The following RASSF5 variants were observed in gnomAD, a reference collection of about 807,000 sequenced individuals.
The protein encoded by RASSF5 is ras association domain-containing protein 5.
RASSF5 carries 25 observed loss-of-function variants against 40.5 expected under a neutral mutation model. That is an observed-to-expected ratio of 0.62 (90% CI 0.45 to 0.86). RASSF5 has a LOEUF of 0.86. Among genes scored for constraint, RASSF5 ranks in the 40% least tolerant of loss-of-function variants. The pLI is 0.00. For synonymous variants in RASSF5, 246 were observed against 252.4 expected (o/e 0.97, Z 0.24); for missense variants, 521 against 572.8 (o/e 0.91, Z 0.92).
chr1:206,538,533 AG>A (rs1667473348), intron 2 of RASSF5, among the ~76,000 whole-genome samples: 2 of 152,206 alleles, frequency 1.3e-5, no homozygotes. Context: ...ATTGTGGCTT[AG>A]GGCTCTGAGC....
In RASSF5 at chr1:206,554,159, TACA is replaced by T. The variant is rs570464405; in HGVS notation, c.579+15867_579+15869del. Among the ~76,000 whole-genome samples the T allele has an allele frequency of 1.8e-3, 270 of 152,346 alleles. 7 individuals are homozygous for T. Among genetic ancestry groups the T allele is most frequent in the Admixed American group, 0.016 (239 of 15,302 alleles). The stretch of plus-strand genomic sequence containing the variant: ...GGTTTTCAGCCTCTCTATATGCCAC[TACA>T]TCTGATCATAAGGTCATAAGGCCCT... On this transcript the variant is annotated intron_variant, in intron 2 of 5. Coordinates refer to ENST00000579436, the MANE Select transcript of RASSF5 (RefSeq NM_182663.4).
intron 2 of RASSF5, among the ~76,000 whole-genome samples, chr1:206,550,052 G>A (rs191695904): frequency 6.6e-6 from 1 of 152,254 alleles, no homozygotes; most frequent in Admixed American, 6.5e-5. Flanking sequence ...GACTCGAGCA[G>A]CATCTCCTCA....
At chr1:206,563,957 G>T (rs565629046) in intron 2 of RASSF5, among the ~76,000 whole-genome samples, 2 of 152,260 alleles carry the variant, frequency 1.3e-5, no homozygotes, top group South Asian at 4.1e-4. Context: ...GATCTTGATG[G>T]CACATGATGT....
intron 2 of RASSF5, among the ~76,000 whole-genome samples, chr1:206,538,989 G>A (rs73079054): frequency 0.048 from 7,267 of 152,224 alleles, 620 homozygotes; most frequent in African/African-American, 0.17. Context: ...CCAACAAATA[G>A]CATACACTGT....
rs1667245765 is a variant in RASSF5, at chr1:206,531,882, A to AC, written c.458-6290_458-6289insC. 6.9e-6 allele frequency among the ~76,000 whole-genome samples: 1 copy of AC among 145,160 alleles called. No individual in the cohort carries two copies. Among genetic ancestry groups the AC allele is most frequent in the Non-Finnish European group, 1.5e-5 (1 of 66,754 alleles). On this transcript the variant is annotated intron_variant, in intron 1 of 5. Transcript: ENST00000579436. The surrounding 1 kb of genome is among the most constrained non-coding windows in gnomAD (Gnocchi z 4.7). ...GAAACCCTGTCTCTACTAAAAAAAA[A>AC]TAAATAAATAAATACAAAAATTAGC...
At chr1:206,548,884 G>A (rs113887192) in intron 2 of RASSF5, among the ~76,000 whole-genome samples, 2,234 of 151,718 alleles carry the variant, frequency 0.015, 47 homozygotes, top group African/African-American at 0.048. Flanking sequence ...ATTTTGTTTT[G>A]AGACAGAGTC....
chr1:206,523,272 C>T (rs920308971), intron 1 of RASSF5, among the ~76,000 whole-genome samples: 1 of 147,420 alleles, frequency 6.8e-6, no homozygotes, highest in Non-Finnish European at 1.5e-5. Context: ...CCACTGTGCT[C>T]CAGCCTGGGT....
intron 1 of RASSF5, chr1:206,529,270 C>T: frequency 9.7e-7 from 1 of 1,033,460 alleles, no homozygotes; most frequent in Non-Finnish European, 1.5e-6. Context: ...GAGAAGAGAG[C>T]TGCCGGCAAA....
At chr1:206,524,057 G>T (rs1308486184) in intron 1 of RASSF5, among the ~76,000 whole-genome samples, 1 of 104,736 alleles carries the variant, frequency 9.5e-6, no homozygotes, top group Non-Finnish European at 1.9e-5. Flanking sequence ...TATATAATAG[G>T]TATAACATAT....
At chr1:206,538,805 T>G (rs1471041943) in intron 2 of RASSF5, among the ~76,000 whole-genome samples, 1 of 152,252 alleles carries the variant, frequency 6.6e-6, no homozygotes, top group Non-Finnish European at 1.5e-5. Flanking sequence ...ATCTGAACTT[T>G]TATTTCTAGG....
intron 2 of RASSF5, chr1:206,571,156 CTG>C (rs1248996235): frequency 6.6e-6 from 1 of 152,044 alleles, no homozygotes; most frequent in Non-Finnish European, 1.5e-5. Flanking sequence ...TGGTATCTCA[CTG>C]TGGTTTTGAT....
intron 2 of RASSF5, among the ~76,000 whole-genome samples, chr1:206,558,786 A>AACTAGC (rs1553402170): frequency 6.6e-6 from 1 of 152,180 alleles, no homozygotes; most frequent in East Asian, 1.9e-4. Context: ...AGGCCCCTGT[A>AACTAGC]ACTAGCACCT....
At chr1:206,564,236 G>C (rs1553403054) in intron 2 of RASSF5, among the ~76,000 whole-genome samples, 1 of 152,032 alleles carries the variant, frequency 6.6e-6, no homozygotes, top group African/African-American at 2.4e-5. Flanking sequence ...TAAACCATAA[G>C]GACTTCCCCT....
rs1668072282 is a variant in RASSF5, at chr1:206,559,081, T to C, written c.579+20788T>C. Reference sequence around the variant, plus strand: ...TTTAGAAAATACTGGTGATACCTGGTTCCCATGCCCAGAGCACCTGATTTA... The same window carrying C: ...TTTAGAAAATACTGGTGATACCTGGCTCCCATGCCCAGAGCACCTGATTTA... On this transcript the variant is annotated intron_variant, in intron 2 of 5. Transcript: ENST00000579436. 1.3e-5 allele frequency among the ~76,000 whole-genome samples: 2 copies of C among 152,254 alleles called. 1 individual carries two copies. Among genetic ancestry groups the C allele is most frequent in the South Asian group, 4.1e-4 (2 of 4,836 alleles).
chr1:206,511,075 C>T (rs1202447637), intron 1 of RASSF5, among the ~76,000 whole-genome samples: 1 of 152,186 alleles, frequency 6.6e-6, no homozygotes, highest in African/African-American at 2.4e-5. Flanking sequence ...TAACCAACCT[C>T]TGGTTAATGC....
At chr1:206,533,323 C>T (rs1553398191) in intron 1 of RASSF5, among the ~76,000 whole-genome samples, 1 of 152,148 alleles carries the variant, frequency 6.6e-6, no homozygotes, top group Non-Finnish European at 1.5e-5. Flanking sequence ...GTCCTGCCGG[C>T]CCACTGTGAT....
rs561906050 is a variant in RASSF5 at position 206,513,753 on chromosome 1, G to A, written c.457+5694G>A. On this transcript the variant is annotated intron_variant, in intron 1 of 5. Transcript: ENST00000579436. The surrounding 1 kb of genome is among the most constrained non-coding windows in gnomAD (Gnocchi z 5.0). ...CCACATGTTCCGGGCTGGATCTCAGGGTCGGAAGGGGAACAGAGCCAGTTT... is the reference window on the plus strand; with the variant it reads ...CCACATGTTCCGGGCTGGATCTCAGAGTCGGAAGGGGAACAGAGCCAGTTT... Among the ~76,000 whole-genome samples, 68 of 152,352 alleles carry A rather than the reference G, an allele frequency of 4.5e-4. 1 individual carries two copies. The South Asian group carries it at 0.014, about 32-fold the overall frequency.
chr1:206,568,294 C>T (rs931670548), intron 2 of RASSF5, among the ~76,000 whole-genome samples: 11 of 152,348 alleles, frequency 7.2e-5, no homozygotes, highest in African/African-American at 2.2e-4. Flanking sequence ...GGTGCCAAGA[C>T]TGCCAGCCCA....
At chr1:206,569,426 C>T (rs1236584265) in intron 2 of RASSF5, among the ~76,000 whole-genome samples, 1 of 152,152 alleles carries the variant, frequency 6.6e-6, no homozygotes, top group African/African-American at 2.4e-5. Context: ...AGAGAGAAGA[C>T]ATGGCAAATG....
Sources: gnomAD v4.1 joint callset for allele counts (sites outside exome capture counted in the v4.1 genomes callset) on GRCh38, gnomAD v4.1.1 for gene constraint, Gnocchi (gnomAD v3.1) non-coding constraint, MANE v1.5 for transcripts, NCBI Gene and HGNC (gene_info 2026-07-23, HGNC 2026-07-21) for gene names.